Variants in ADAMTSL1 observed in about 807,000 individuals in gnomAD.
ADAMTSL1 encodes the protein ADAMTS like 1, also known as ADAMTS-like protein 1.
A neutral mutation model predicts 201.8 loss-of-function variants in ADAMTSL1; 126 were observed. That is an observed-to-expected ratio of 0.62 (90% CI 0.54 to 0.72). The LOEUF (loss-of-function observed/expected upper bound fraction) is 0.72, where lower values mean the gene tolerates loss of function less well. Among genes scored for constraint, ADAMTSL1 ranks in the 30% least tolerant of loss-of-function variants. The probability of loss-of-function intolerance (pLI) is 0.00; values close to 1 mark genes in which losing one functional copy is unlikely to be tolerated. For missense variants in ADAMTSL1, 2,679 were observed against 2,277.8 expected (o/e 1.18, Z -3.59); for synonymous variants, 1,121 against 903.4 (o/e 1.24, Z -4.32).
chr9:18,518,676 G>A (rs1027267252), intron 2 of ADAMTSL1, among the ~76,000 whole-genome samples: 2 of 152,090 alleles, frequency 1.3e-5, no homozygotes, highest in Non-Finnish European at 2.9e-5. Flanking sequence ...GTGTGGGATT[G>A]CTAGGTTAAA....
At chr9:18,121,351 T>C (rs1294855828) in intron 1 of ADAMTSL1, among the ~76,000 whole-genome samples, 1 of 152,180 alleles carries the variant, frequency 6.6e-6, no homozygotes, top group African/African-American at 2.4e-5. Flanking sequence ...TAATTTGTTT[T>C]TGTGGTATTA....
intron 23 of ADAMTSL1, among the ~76,000 whole-genome samples, chr9:18,840,231 T>C (rs1168059614): frequency 1.3e-5 from 2 of 152,038 alleles, no homozygotes; most frequent in South Asian, 2.1e-4. Context: ...AAGGAAGGGA[T>C]CCAGTGTCAG....
At chr9:18,711,929 G>A (rs1221039854) in intron 14 of ADAMTSL1, among the ~76,000 whole-genome samples, 1 of 141,920 alleles carries the variant, frequency 7.0e-6, no homozygotes, top group South Asian at 2.2e-4. Context: ...CCTCAAGTGG[G>A]TCCCTGACCC....
intron 2 of ADAMTSL1, among the ~76,000 whole-genome samples, chr9:18,283,059 C>G (rs1428702929): frequency 6.6e-6 from 1 of 152,152 alleles, no homozygotes; most frequent in African/African-American, 2.4e-5. Flanking sequence ...TTGAAATCAA[C>G]TATAATTTTT....
At chr9:18,013,829 T>C (rs1244306631) in intron 1 of ADAMTSL1, among the ~76,000 whole-genome samples, 1 of 152,120 alleles carries the variant, frequency 6.6e-6, no homozygotes, top group Middle Eastern at 3.4e-3. Context: ...CTTCTCATCT[T>C]GCCAGTTGAA....
At chr9:18,673,433 A>G (rs1233512568) in intron 9 of ADAMTSL1, among the ~76,000 whole-genome samples, 1 of 152,238 alleles carries the variant, frequency 6.6e-6, no homozygotes, top group Admixed American at 6.5e-5. Context: ...CTACAGAGTC[A>G]CTTTATGAGT....
intron 2 of ADAMTSL1, among the ~76,000 whole-genome samples, chr9:18,185,895 G>A (rs1052322484): frequency 1.3e-5 from 2 of 152,144 alleles, no homozygotes; most frequent in Admixed American, 6.5e-5. Context: ...GGCGTTGGAT[G>A]TGTTTGACCA....
intron 20 of ADAMTSL1, among the ~76,000 whole-genome samples, chr9:18,810,504 A>C (rs1301711052): frequency 6.6e-6 from 1 of 152,246 alleles, no homozygotes; most frequent in Non-Finnish European, 1.5e-5. Context: ...GCATTTCTGA[A>C]TTAAGGTTTT....
At chr9:18,570,152 G>A (rs980160307) in intron 3 of ADAMTSL1, among the ~76,000 whole-genome samples, 1 of 151,712 alleles carries the variant, frequency 6.6e-6, no homozygotes, top group Non-Finnish European at 1.5e-5. Context: ...TGAGTCCAAG[G>A]GTTCCAGACC....
chr9:18,283,176 CT>C (rs1832859498), intron 2 of ADAMTSL1, among the ~76,000 whole-genome samples: 1 of 152,014 alleles, frequency 6.6e-6, no homozygotes, highest in South Asian at 2.1e-4. Context: ...ATCTTTGATC[CT>C]TTATCATTAT....
intron 2 of ADAMTSL1, among the ~76,000 whole-genome samples, chr9:18,300,707 T>C (rs984030274): frequency 6.6e-6 from 1 of 152,058 alleles, no homozygotes; most frequent in Non-Finnish European, 1.5e-5. Context: ...TGAGATCTAG[T>C]GAGCAGGAAA....
intron 4 of ADAMTSL1, among the ~76,000 whole-genome samples, chr9:18,605,540 A>C (rs1200419176): frequency 6.6e-6 from 1 of 152,120 alleles, no homozygotes; most frequent in Non-Finnish European, 1.5e-5. Context: ...TGGGTTCTGC[A>C]CTCCACCTTG....
At chr9:18,856,965 C>A (rs1162174356) in intron 23 of ADAMTSL1, among the ~76,000 whole-genome samples, 2 of 152,132 alleles carry the variant, frequency 1.3e-5, no homozygotes, top group Admixed American at 1.3e-4. Flanking sequence ...TTTTCTGAGC[C>A]ATCGGCAATT....
chr9:18,855,892 C>T lies in ADAMTSL1; in HGVS notation c.4249+25915C>T, dbSNP rs181302683. ...GATAAACCAGCACAAGCCTGTGTGT[C>T]TGATGTCCTGCCAGCTTCCTGAGCC... On this transcript the variant is annotated intron_variant, in intron 23 of 28. Transcript: ENST00000380548. Among the ~76,000 whole-genome samples, 109 of 152,336 alleles carry T rather than the reference C, an allele frequency of 7.2e-4. 1 individual carries two copies. The highest frequency in any genetic ancestry group is 2.1e-3 in the African/African-American group (87 of 41,566).
chr9:18,627,874 C>T (rs35808221), intron 5 of ADAMTSL1, among the ~76,000 whole-genome samples: 5 of 152,018 alleles, frequency 3.3e-5, no homozygotes, highest in South Asian at 4.2e-4. Flanking sequence ...GTCTACTTAC[C>T]ACAGTGTGCT....
intron 1 of ADAMTSL1, among the ~76,000 whole-genome samples, chr9:18,106,573 AT>A (rs1332298970): frequency 1.3e-5 from 2 of 152,226 alleles, no homozygotes; most frequent in Non-Finnish European, 2.9e-5. Flanking sequence ...ATCTCTGTCT[AT>A]CTGGCTTTAA....
chr9:18,069,451 A>C (rs970016469), intron 1 of ADAMTSL1, among the ~76,000 whole-genome samples: 2 of 152,186 alleles, frequency 1.3e-5, no homozygotes, highest in Non-Finnish European at 2.9e-5. Flanking sequence ...CAAACACTGA[A>C]ACAAAAGGTT....
At chr9:18,681,700 G>GGGGGT (rs1564145917) in intron 11 of ADAMTSL1, 112 bp from the exon 12 acceptor site, 4 of 673,390 alleles carry the variant, frequency 5.9e-6, no homozygotes, top group African/African-American at 2.4e-5. Context: ...CCTCGTGTGG[G>GGGGGT]GGGGGGGGGC....
At chr9:18,197,599 T>C (rs1829238116) in intron 2 of ADAMTSL1, among the ~76,000 whole-genome samples, 2 of 148,270 alleles carry the variant, frequency 1.3e-5, no homozygotes, top group Admixed American at 1.4e-4. Context: ...TGCGGTTTTC[T>C]AGATATACAA....
Sources: gnomAD v4.1 joint callset for allele counts (sites outside exome capture counted in the v4.1 genomes callset) on GRCh38, gnomAD v4.1.1 for gene constraint, MANE v1.5 for transcripts, NCBI Gene and HGNC (gene_info 2026-07-23, HGNC 2026-07-21) for gene names.